The following DIAPH3 variants were observed in gnomAD, a reference collection of about 807,000 sequenced individuals.
DIAPH3 encodes protein diaphanous homolog 3.
Under a neutral mutation model 144.3 loss-of-function variants are expected in DIAPH3, and 117 were observed. That is an observed-to-expected ratio of 0.81 (90% CI 0.70 to 0.95). The LOEUF is 0.95. Among genes scored for constraint, DIAPH3 ranks in the 40% least tolerant of loss-of-function variants. The pLI is 0.00. For synonymous variants in DIAPH3, 519 were observed against 488.9 expected (o/e 1.06, Z -0.81); for missense variants, 1,421 against 1,412.7 (o/e 1.01, Z -0.09).
At chr13:59,775,654 T>C (rs1394106548) in intron 25 of DIAPH3, among the ~76,000 whole-genome samples, 2 of 152,216 alleles carry the variant, frequency 1.3e-5, no homozygotes, top group South Asian at 2.1e-4. Flanking sequence ...CTTCCAACAA[T>C]TGATTTTTCA....
At chr13:59,709,704 A>G (rs2034628434) in intron 27 of DIAPH3, among the ~76,000 whole-genome samples, 1 of 152,200 alleles carries the variant, frequency 6.6e-6, no homozygotes, top group Non-Finnish European at 1.5e-5. Context: ...TCAGGGATCT[A>G]GAACTAGAAA....
chr13:59,797,461 T>C (rs1373459722), intron 25 of DIAPH3, among the ~76,000 whole-genome samples: 12 of 152,228 alleles, frequency 7.9e-5, no homozygotes. Context: ...ATTTTTATAA[T>C]TTCTTTTGTC....
chr13:60,134,707 GA>G (rs905873944), intron 1 of DIAPH3, among the ~76,000 whole-genome samples: 2 of 146,624 alleles, frequency 1.4e-5, no homozygotes, highest in African/African-American at 2.5e-5. Flanking sequence ...CTGTGAAAAA[GA>G]AAAAAAAAAG....
At chr13:60,061,228 G>T (rs768186815) in intron 4 of DIAPH3, among the ~76,000 whole-genome samples, 2 of 152,004 alleles carry the variant, frequency 1.3e-5, no homozygotes, top group Non-Finnish European at 2.9e-5. Flanking sequence ...TGTTTTAGGA[G>T]CTAGATGTCC....
intron 4 of DIAPH3, among the ~76,000 whole-genome samples, chr13:60,093,209 A>G (rs1227552262): frequency 6.6e-6 from 1 of 152,168 alleles, no homozygotes; most frequent in Admixed American, 6.5e-5. Flanking sequence ...TTACAAGATA[A>G]TTTTATTCAT....
At chr13:59,896,171 GTCTAT>G (rs2046082467) in intron 20 of DIAPH3, among the ~76,000 whole-genome samples, 1 of 152,116 alleles carries the variant, frequency 6.6e-6, no homozygotes, top group Non-Finnish European at 1.5e-5. Context: ...TGGTTAAGTA[GTCTAT>G]TCTATATGAG....
chr13:59,863,853 C>T (rs1370552517), intron 21 of DIAPH3, among the ~76,000 whole-genome samples: 2 of 152,102 alleles, frequency 1.3e-5, no homozygotes, highest in African/African-American at 2.4e-5. Flanking sequence ...CACTAACATA[C>T]GTGGATGATT....
chr13:60,049,207 A>C (rs2056223425), intron 4 of DIAPH3, among the ~76,000 whole-genome samples: 2 of 152,188 alleles, frequency 1.3e-5, no homozygotes, highest in South Asian at 4.1e-4. Context: ...ACCAAAACTA[A>C]CCTGTCAATC....
chr13:59,798,513 G>A (rs1032780587), intron 25 of DIAPH3, among the ~76,000 whole-genome samples: 1 of 152,162 alleles, frequency 6.6e-6, no homozygotes, highest in Non-Finnish European at 1.5e-5. Context: ...GGATGCCCAG[G>A]CACAGAAACT....
intron 4 of DIAPH3, among the ~76,000 whole-genome samples, chr13:60,071,836 A>T (rs2141353513): frequency 6.6e-6 from 1 of 152,200 alleles, no homozygotes; most frequent in South Asian, 2.1e-4. Context: ...AATCAATCTA[A>T]TCTAATCAAT....
chr13:59,866,706 TA>T (rs1454462783), intron 21 of DIAPH3, among the ~76,000 whole-genome samples: 3 of 152,128 alleles, frequency 2.0e-5, no homozygotes, highest in African/African-American at 7.2e-5. Context: ...AAAAGGTATC[TA>T]TAAAGTTTAA....
Position 59,839,325 on chromosome 13 carries a change from G to C in DIAPH3, c.2861C>G (p.Ser954Cys). Residue 954 changes from serine (S) to cysteine (C), a missense_variant and splice_region_variant, in exon 23 of 28, where the codon TCC becomes TGC. Coordinates refer to ENST00000400324, the MANE Select transcript of DIAPH3 (RefSeq NM_001042517.2). Reference protein sequence around the residue: ...DLHDKFVTKMSRFVISAKEQY... With the variant: ...DLHDKFVTKMCRFVISAKEQY... The stretch of plus-strand genomic sequence containing the variant: ...GTTATTTAGCTATCAAAAGGATATG[G>C]ACATCTTTGTCACAAACTTGTCATG... The C allele has an allele frequency of 6.2e-7, 1 of 1,613,290 alleles. No individual in the cohort carries two copies. The highest frequency in any genetic ancestry group is 1.3e-5 in the African/African-American group (1 of 74,974).
rs1344736987 is a variant in DIAPH3, at chr13:59,911,778, C to G, written c.2324G>C (p.Ser775Thr). The G allele has an allele frequency of 6.2e-7, 1 of 1,613,638 alleles. No homozygotes were observed. The highest frequency in any genetic ancestry group is 8.5e-7 in the Non-Finnish European group (1 of 1,179,708). Residue 775 changes from serine to threonine, a missense_variant, in exon 20 of 28, where the codon AGT becomes ACT. Transcript: ENST00000400324. ...EQLNSLSQFK[S>T]EYSNLCEPEQ... is the part of the protein sequence containing the mutation. ...AGGTTCACATAAGTTGCTATATTCA[C>G]TCTTGAACTGAGACAATGAATTTAA... is the stretch of plus-strand genomic sequence containing the variant.
intron 27 of DIAPH3, among the ~76,000 whole-genome samples, chr13:59,734,001 A>G (rs2036017989): frequency 6.6e-6 from 1 of 152,248 alleles, no homozygotes; most frequent in African/African-American, 2.4e-5. Flanking sequence ...ATTGGCTAAT[A>G]CATACATGCC....
chr13:60,056,822 T>C (rs935642387), intron 4 of DIAPH3, among the ~76,000 whole-genome samples: 2 of 151,876 alleles, frequency 1.3e-5, no homozygotes, highest in African/African-American at 4.8e-5. Context: ...ACTTAAACCA[T>C]ATGAAGTTTC....
At chr13:60,022,534 G>T (rs2054098696) in intron 5 of DIAPH3, among the ~76,000 whole-genome samples, 1 of 152,160 alleles carries the variant, frequency 6.6e-6, no homozygotes, top group South Asian at 2.1e-4. Flanking sequence ...CAGCAGGGCT[G>T]CTGCCTGGGA....
At chr13:59,876,804 A>C (rs2044658024) in intron 21 of DIAPH3, among the ~76,000 whole-genome samples, 1 of 152,152 alleles carries the variant, frequency 6.6e-6, no homozygotes. Flanking sequence ...TTGCACGAGG[A>C]AACAGACTGT....
At chr13:59,833,044 T>C (rs2041858997) in intron 24 of DIAPH3, 63 bp downstream of exon 24, 1 of 1,194,144 alleles carries the variant, frequency 8.4e-7, no homozygotes, top group Admixed American at 1.9e-5. Flanking sequence ...AACGATGTAA[T>C]GAGATAATAG....
At chr13:60,012,558 T>C (rs2053347762) in intron 7 of DIAPH3, among the ~76,000 whole-genome samples, 1 of 152,212 alleles carries the variant, frequency 6.6e-6, no homozygotes, top group South Asian at 2.1e-4. Flanking sequence ...GATTACCAAG[T>C]ACACAAGAGC....
Sources: gnomAD v4.1 joint callset for allele counts (sites outside exome capture counted in the v4.1 genomes callset) on GRCh38, gnomAD v4.1.1 for gene constraint, MANE v1.5 for transcripts, NCBI Gene and HGNC (gene_info 2026-07-23, HGNC 2026-07-21) for gene names.